The following PRSS12 variants were observed in gnomAD, a reference collection of about 807,000 sequenced individuals.
PRSS12 encodes the protein serine protease 12, also known as neurotrypsin.
PRSS12 carries 85 observed loss-of-function variants against 104.4 expected under a neutral mutation model. The observed-to-expected ratio is 0.81, with a 90% confidence interval of 0.68 to 0.98. PRSS12 has a LOEUF of 0.98. Among genes scored for constraint, PRSS12 ranks in the 50% least tolerant of loss-of-function variants. PRSS12 has a pLI of 0.00. For synonymous variants in PRSS12, 454 were observed against 425.2 expected (o/e 1.07, Z -0.83); for missense variants, 1,141 against 1,139.2 (o/e 1.00, Z -0.02).
At chr4:118,308,320 A>C (rs866462071) in intron 8 of PRSS12, 116 bp downstream of exon 8, 1 of 1,385,378 alleles carries the variant, frequency 7.2e-7, no homozygotes, top group African/African-American at 1.4e-5. Context: ...TGCTGCCAGT[A>C]TTTTCAAATG....
At position 118,316,156 on chromosome 4, in the gene PRSS12, C is replaced by T. The variant is rs376870202; in HGVS notation, c.1292+26G>A. 5.6e-6 allele frequency: 9 copies of T among 1,612,932 alleles called. No individual in the cohort carries two copies. The African/African-American group carries it at 1.2e-4, about 22-fold the overall frequency. On this transcript the variant is annotated intron_variant, in intron 6 of 12. Coordinates refer to ENST00000296498, the MANE Select transcript of PRSS12 (RefSeq NM_003619.4). ...TTTAACAATATAATCTGGCATTTAA[C>T]TGCCTTTATAATTAATGAACCTTAC...
chr4:118,306,018 GGAGT>G (rs1242700478), intron 8 of PRSS12: 1 of 152,084 alleles, frequency 6.6e-6, no homozygotes, highest in Non-Finnish European at 1.5e-5. Flanking sequence ...AATGAACATG[GGAGT>G]GCAGATATTT....
At chr4:118,291,564 T>C (rs1743128076) in intron 11 of PRSS12, among the ~76,000 whole-genome samples, 1 of 152,132 alleles carries the variant, frequency 6.6e-6, no homozygotes, top group South Asian at 2.1e-4. Flanking sequence ...GCAACAAATC[T>C]AATCCAGTCC....
At chr4:118,286,979 C>T (rs915630256) in intron 11 of PRSS12, among the ~76,000 whole-genome samples, 2 of 152,116 alleles carry the variant, frequency 1.3e-5, no homozygotes, top group African/African-American at 4.8e-5. Context: ...GTTCCTGGAT[C>T]AAGTAGATTT....
chr4:118,345,262 G>C (rs1724329768), intron 1 of PRSS12, among the ~76,000 whole-genome samples: 1 of 152,034 alleles, frequency 6.6e-6, no homozygotes, highest in Non-Finnish European at 1.5e-5. Context: ...CTTGTAGGGG[G>C]GTAAATATCA....
At chr4:118,287,449 C>T (rs780209335) in intron 11 of PRSS12, among the ~76,000 whole-genome samples, 6 of 152,210 alleles carry the variant, frequency 3.9e-5, no homozygotes, top group Non-Finnish European at 8.8e-5. Flanking sequence ...GGCCAAGTAC[C>T]TATACTTTTA....
chr4:118,283,101 T>A lies in PRSS12; in HGVS notation c.2050A>T (p.Ser684Cys), dbSNP rs369577707. 2 of 1,614,216 alleles carry A rather than the reference T, an allele frequency of 1.2e-6. No homozygotes were observed. ...AAHCFKRYGN[S>C]TRSYAVRVGD... is the part of the protein sequence containing the mutation. The stretch of plus-strand genomic sequence containing the variant: ...ACCCTAACAGCATAGCTCCTAGTGC[T>A]GTTGCCATACCTGAGAGGCAGAGAG... The change falls in exon 12 of 13, where the codon AGC (serine) becomes TGC (cysteine). Residue 684 changes from serine (S) to cysteine (C), a missense_variant. Physicochemically the swap from Ser to Cys is moderately radical, Grantham distance 112. Coordinates refer to ENST00000296498, the MANE Select transcript of PRSS12 (RefSeq NM_003619.4).
rs1743216060 is a variant in PRSS12 at position 118,294,844 on chromosome 4, T to C, written c.2039+95A>G. 7.2e-6 allele frequency: 11 copies of C among 1,534,518 alleles called. No homozygotes were observed. In the South Asian group the frequency reaches 1.0e-4, roughly 14 times the overall value. Reference sequence around the variant, plus strand: ...GCACAAGCAGCGAAAGCTCATAGCCTGGCTCTGACACCTTGAGTGCTGTAG... The same window carrying C: ...GCACAAGCAGCGAAAGCTCATAGCCCGGCTCTGACACCTTGAGTGCTGTAG... On this transcript the variant is annotated intron_variant, in intron 11 of 12. Transcript: ENST00000296498.
At chr4:118,291,076 CT>C (rs142212556) in intron 11 of PRSS12, among the ~76,000 whole-genome samples, 2,397 of 151,802 alleles carry the variant, frequency 0.016, 62 homozygotes, top group African/African-American at 0.055. Flanking sequence ...ATAACTTTGC[CT>C]TACCCCCTCA....
chr4:118,297,134 T>A (rs1419368056), intron 9 of PRSS12, among the ~76,000 whole-genome samples: 2 of 152,206 alleles, frequency 1.3e-5, no homozygotes, highest in Middle Eastern at 3.2e-3. Context: ...TCAGTTTGAA[T>A]CACCTTATAG....
At chr4:118,339,787 T>G (rs149894030) in intron 1 of PRSS12, among the ~76,000 whole-genome samples, 3 of 152,370 alleles carry the variant, frequency 2.0e-5, no homozygotes, top group African/African-American at 7.2e-5. Context: ...TAATGATTTT[T>G]TATATCACAA....
At chr4:118,283,749 A>G (rs1397569994) in intron 11 of PRSS12, among the ~76,000 whole-genome samples, 1 of 152,144 alleles carries the variant, frequency 6.6e-6, no homozygotes, top group Non-Finnish European at 1.5e-5. Context: ...AAACACTCCC[A>G]ATATCATTCA....
chr4:118,282,809 G>A, intron 12 of PRSS12, 22 bp downstream of exon 12: 1 of 1,613,728 alleles, frequency 6.2e-7, no homozygotes, highest in African/African-American at 1.3e-5. Flanking sequence ...AAGGTGCCCT[G>A]CTTTTTTTGA....
rs1188926372 is a variant in PRSS12, at chr4:118,338,386, T to C, written c.503-72A>G. The C allele has an allele frequency of 3.2e-6, 5 of 1,574,996 alleles. No individual in the cohort carries two copies. In the African/African-American group the frequency reaches 4.1e-5, roughly 13 times the overall value. On this transcript the variant is annotated intron_variant, in intron 1 of 12. Coordinates refer to ENST00000296498, the MANE Select transcript of PRSS12 (RefSeq NM_003619.4). ...TTGAACATATTGAGCCAGTCCTGGG[T>C]TAACATGATTTTTAAACTTAAGTAG...
chr4:118,286,935 TG>T, intron 11 of PRSS12, among the ~76,000 whole-genome samples: 1 of 152,184 alleles, frequency 6.6e-6, no homozygotes, highest in South Asian at 2.1e-4. Flanking sequence ...GAAACCAAAA[TG>T]CAAAAAGCAT....
intron 8 of PRSS12, 31 bp from the exon 9 acceptor site, chr4:118,298,969 G>C: frequency 6.2e-7 from 1 of 1,603,550 alleles, no homozygotes; most frequent in Admixed American, 1.7e-5. Flanking sequence ...ATCATGTGAA[G>C]AATCAGTCAG....
rs781496371 is a variant in PRSS12 at position 118,298,937 on chromosome 4, C to A, written c.1633G>T (p.Gly545Cys). 8 of 1,613,912 alleles carry A rather than the reference C, an allele frequency of 5.0e-6. No individual in the cohort carries two copies. The highest frequency in any genetic ancestry group is 8.5e-7 in the Non-Finnish European group (1 of 1,179,988). ...AVICRQLGYK[G>C]PARARTMAYF... ...GCCATGGTTCTTGCTCTGGCAGGACCCCTGAAGACAGAACATTCTTAATCA... is the reference window on the plus strand; with the variant it reads ...GCCATGGTTCTTGCTCTGGCAGGACACCTGAAGACAGAACATTCTTAATCA... The change falls in exon 9 of 13, where the codon GGT becomes TGT. Residue 545 changes from glycine (G) to cysteine (C), a missense_variant and splice_region_variant. Transcript: ENST00000296498.
At chr4:118,335,765 CAA>C in intron 2 of PRSS12, 114 bp from the exon 3 acceptor site, 2 of 986,506 alleles carry the variant, frequency 2.0e-6, no homozygotes, top group South Asian at 2.8e-5. Flanking sequence ...ATGGAAGAAA[CAA>C]AGAAAGAAAG....
intron 11 of PRSS12, 66 bp downstream of exon 11, chr4:118,294,873 A>AT: frequency 3.1e-6 from 5 of 1,601,390 alleles, no homozygotes; most frequent in Non-Finnish European, 4.3e-6. Flanking sequence ...GCTGTAGAGC[A>AT]TGAGGGGATT....
Sources: gnomAD v4.1 joint callset for allele counts (sites outside exome capture counted in the v4.1 genomes callset) on GRCh38, gnomAD v4.1.1 for gene constraint, MANE v1.5 for transcripts, NCBI Gene and HGNC (gene_info 2026-07-23, HGNC 2026-07-21) for gene names.